The following TM9SF4 variants were observed in gnomAD, a reference collection of about 807,000 sequenced individuals.
TM9SF4 encodes transmembrane 9 superfamily member 4.
A neutral mutation model predicts 90.4 loss-of-function variants in TM9SF4; 26 were observed. The ratio of observed to expected loss-of-function variants is 0.29; its 90% confidence interval spans 0.21 to 0.40. TM9SF4 has a LOEUF of 0.40. Among genes scored for constraint, TM9SF4 ranks in the 10% least tolerant of loss-of-function variants. TM9SF4 has a pLI of 1.00. For synonymous variants in TM9SF4, 293 were observed against 315.4 expected (o/e 0.93, Z 0.75); for missense variants, 549 against 834.8 (o/e 0.66, Z 4.22).
At chr20:32,140,190 A>G in intron 3 of TM9SF4, among the ~76,000 whole-genome samples, 1 of 152,238 alleles carries the variant, frequency 6.6e-6, no homozygotes, top group East Asian at 1.9e-4. Context: ...GGAGGTGTTA[A>G]TTAGTCTTCA....
At chr20:32,122,104 C>T (rs531582985) in intron 1 of TM9SF4, among the ~76,000 whole-genome samples, 100 of 132,988 alleles carry the variant, frequency 7.5e-4, no homozygotes, top group Non-Finnish European at 1.3e-3. Context: ...TAGGGGCGGC[C>T]GGGCAGAGGC....
intron 1 of TM9SF4, among the ~76,000 whole-genome samples, chr20:32,114,036 A>G (rs576972290): frequency 2.6e-5 from 4 of 152,312 alleles, no homozygotes; most frequent in African/African-American, 9.6e-5. Flanking sequence ...GATGTACCAC[A>G]GCTTGTTTAT....
intron 1 of TM9SF4, among the ~76,000 whole-genome samples, chr20:32,123,845 C>CATATATATATATATATAT (rs778502518): frequency 9.2e-5 from 10 of 108,720 alleles, no homozygotes; most frequent in African/African-American, 3.7e-4. Flanking sequence ...TTCTCTCTCT[C>CATATATATATATATATAT]ATATATATAT....
chr20:32,118,961 A>G (rs1236541254), intron 1 of TM9SF4, among the ~76,000 whole-genome samples: 2 of 152,182 alleles, frequency 1.3e-5, no homozygotes, highest in African/African-American at 4.8e-5. Context: ...TGATCCATGT[A>G]TGTGGAAAAG....
chr20:32,133,285 G>A lies in TM9SF4; in HGVS notation c.129+159G>A, dbSNP rs375591442. Among the ~76,000 whole-genome samples the A allele has an allele frequency of 1.1e-4, 16 of 152,168 alleles. 1 individual carries two copies. In the East Asian group the frequency reaches 1.7e-3, roughly 17 times the overall value. On this transcript the variant is annotated intron_variant, in intron 2 of 17. Transcript: ENST00000398022. ...CCCTCTCCCTGTGCCTCTGGTTCTC[G>A]GTCCCCTCTCTGTTTCTGGTTCTTT...
intron 1 of TM9SF4, among the ~76,000 whole-genome samples, chr20:32,123,893 C>A (rs1245651648): frequency 1.5e-5 from 1 of 67,378 alleles, no homozygotes; most frequent in African/African-American, 5.1e-5. Flanking sequence ...GATAGGGTCT[C>A]CCTCTGTCAT....
chr20:32,155,470 C>T (rs189744966), intron 13 of TM9SF4, among the ~76,000 whole-genome samples: 1 of 152,352 alleles, frequency 6.6e-6, no homozygotes, highest in African/African-American at 2.4e-5. Flanking sequence ...TGGGGAATTT[C>T]CCTTTGTCTT....
At chr20:32,159,616 G>A in intron 15 of TM9SF4, 1 of 184,790 alleles carries the variant, frequency 5.4e-6, no homozygotes, top group Non-Finnish European at 1.1e-5. Flanking sequence ...AGCTCTACCA[G>A]GCCAAGCTTT....
intron 13 of TM9SF4, among the ~76,000 whole-genome samples, chr20:32,156,069 G>A (rs2046915215): frequency 6.6e-6 from 1 of 152,114 alleles, no homozygotes; most frequent in Non-Finnish European, 1.5e-5. Context: ...CCCCAAATCT[G>A]CTCACCCAGA....
In TM9SF4 at chr20:32,115,845, AC is replaced by A. The variant is rs371116084; in HGVS notation, c.15+6091del. On this transcript the variant is annotated intron_variant, in intron 1 of 17. Coordinates refer to ENST00000398022, the MANE Select transcript of TM9SF4 (RefSeq NM_014742.4). ...TTTTTTTTTTTTGAGACAGAGTCTC[AC>A]TCTGTCGCCCAGGGTGGAGTGCAAT... Among the ~76,000 whole-genome samples the A allele has an allele frequency of 3.6e-5, 4 of 110,964 alleles. 1 individual carries two copies. Among genetic ancestry groups the A allele is most frequent in the African/African-American group, 1.5e-4 (4 of 27,148 alleles). 72.8% of individuals were successfully genotyped at this position (110,964 alleles called of 152,430 possible).
Position 32,109,723 on chromosome 20 carries a change from G to A in TM9SF4, c.-18G>A. On this transcript the variant is annotated 5_prime_UTR_variant, in exon 1 of 18. Coordinates refer to ENST00000398022, the MANE Select transcript of TM9SF4 (RefSeq NM_014742.4). ...CACCACTTCCGCTGACGTCATTACG[G>A]CGACACGTGGATCCAAGATGGCGAC... 1 of 1,551,636 alleles carries A rather than the reference G, an allele frequency of 6.4e-7. No homozygotes were observed. The highest frequency in any genetic ancestry group is 8.7e-7 in the Non-Finnish European group (1 of 1,146,972).
intron 1 of TM9SF4, among the ~76,000 whole-genome samples, chr20:32,119,973 A>G (rs932500929): frequency 3.3e-5 from 5 of 152,332 alleles, no homozygotes; most frequent in African/African-American, 1.2e-4. Context: ...GTATAAATGT[A>G]AAGATTTATT....
chr20:32,142,840 A>G (rs1196349258), intron 5 of TM9SF4, 142 bp from the exon 6 acceptor site: 36 of 1,100,604 alleles, frequency 3.3e-5, no homozygotes, highest in Non-Finnish European at 4.3e-5. Flanking sequence ...GCCCTTGAAG[A>G]GCTTCTGAGT....
intron 1 of TM9SF4, among the ~76,000 whole-genome samples, chr20:32,127,613 G>T (rs917380091): frequency 6.6e-6 from 1 of 152,130 alleles, no homozygotes; most frequent in Non-Finnish European, 1.5e-5. Flanking sequence ...TTTCCTGTTC[G>T]GGCATTCTTG....
intron 3 of TM9SF4, among the ~76,000 whole-genome samples, chr20:32,141,025 G>A (rs1260430450): frequency 6.6e-6 from 1 of 151,910 alleles, no homozygotes; most frequent in Non-Finnish European, 1.5e-5. Context: ...AGACCATCCT[G>A]GCTAACAGGG....
intron 15 of TM9SF4, 30 bp from the exon 16 acceptor site, chr20:32,159,962 G>A: frequency 6.2e-7 from 1 of 1,613,982 alleles, no homozygotes. Flanking sequence ...GGGTGGTCAA[G>A]CCAGCTGAAG....
At position 32,150,803 on chromosome 20, in the gene TM9SF4, G is replaced by A. The variant is rs759407023; in HGVS notation, c.1173G>A (p.Val391=). Reference sequence around the variant, plus strand: ...GATCCCTGCCATTTTCCCACAGGGTGTTTGGCGGATTTTCTGCTGGCCGTC... The same window carrying A: ...GATCCCTGCCATTTTCCCACAGGGTATTTGGCGGATTTTCTGCTGGCCGTC... ...TACFLFMFMG[V]FGGFSAGRLY... is the part of the protein sequence containing the mutation. The change falls in exon 12 of 18, where the codon GTG becomes GTA. Residue 391 remains valine, a synonymous_variant. Transcript: ENST00000398022. 4.3e-6 allele frequency: 7 copies of A among 1,613,998 alleles called. No individual in the cohort carries two copies. Among genetic ancestry groups the A allele is most frequent in the Middle Eastern group, 1.6e-4 (1 of 6,084 alleles).
At chr20:32,139,140 G>A (rs1012504917) in intron 3 of TM9SF4, among the ~76,000 whole-genome samples, 2 of 152,146 alleles carry the variant, frequency 1.3e-5, no homozygotes, top group African/African-American at 4.8e-5. Flanking sequence ...AGCATTGCTT[G>A]CCAGGGCCGC....
chr20:32,130,662 C>CT (rs1336941717), intron 1 of TM9SF4, among the ~76,000 whole-genome samples: 1 of 152,122 alleles, frequency 6.6e-6, no homozygotes, highest in African/African-American at 2.4e-5. Context: ...GAAGAAAAAT[C>CT]TATTTGTTTT....
Sources: gnomAD v4.1 joint callset for allele counts (sites outside exome capture counted in the v4.1 genomes callset) on GRCh38, gnomAD v4.1.1 for gene constraint, MANE v1.5 for transcripts, NCBI Gene and HGNC (gene_info 2026-07-23, HGNC 2026-07-21) for gene names.